GALNT16: variants seen among roughly 807,000 people sequenced by gnomAD.
The protein encoded by GALNT16 is UDP-GalNAc:polypeptide N-acetylgalactosaminyltransferase-like protein 1.
Under a neutral mutation model 76.1 loss-of-function variants are expected in GALNT16, and 40 were observed. The observed-to-expected ratio is 0.53, with a 90% CI of 0.41 to 0.68. The LOEUF is 0.68. Ranked by LOEUF, GALNT16 falls within the 30% of genes least tolerant of loss-of-function variation. The probability of loss-of-function intolerance (pLI) is 0.00; values close to 1 mark genes in which losing one functional copy is unlikely to be tolerated. For missense variants in GALNT16, 621 were observed against 731.9 expected (o/e 0.85, Z 1.75); for synonymous variants, 276 against 285.2 (o/e 0.97, Z 0.32).
At chr14:69,385,200 T>C in the GALNT16 span, among the ~76,000 whole-genome samples, 1 of 152,114 alleles carries the variant, frequency 6.6e-6, no homozygotes, top group Non-Finnish European at 1.5e-5. Context: ...CCTGTAACCA[T>C]CCAGGTGAGA....
At chr14:69,341,304 C>T (rs1358906847) in intron 11 of GALNT16, among the ~76,000 whole-genome samples, 5 of 152,236 alleles carry the variant, frequency 3.3e-5, no homozygotes, top group Admixed American at 3.3e-4. Flanking sequence ...AAAGCTTGCT[C>T]TTCCTGCTGT....
the GALNT16 span, among the ~76,000 whole-genome samples, chr14:69,369,504 G>A: frequency 1.3e-5 from 2 of 152,122 alleles, no homozygotes; most frequent in African/African-American, 2.4e-5. Context: ...TCCATGAGGA[G>A]GGGTGGTGAG....
Position 69,339,557 on chromosome 14 carries a change from G to A in GALNT16, c.1125G>A (p.Met375Ile). ...RNTKRTAEVW[M>I]DEYKQYYYEA... ...CTAAGCGCACTGCAGAAGTGTGGAT[G>A]GATGAATACAAGCAATACTACTATG... The change falls in exon 11 of 15, where the codon ATG becomes ATA. Residue 375 changes from methionine to isoleucine, a missense_variant. Met to Ile is a conservative substitution (Grantham distance 10, BLOSUM62 1). Transcript: ENST00000448469. 6.2e-7 allele frequency: 1 copy of A among 1,613,094 alleles called. No homozygotes were observed. The highest frequency in any genetic ancestry group is 1.3e-5 in the African/African-American group (1 of 75,036).
intron 1 of GALNT16, among the ~76,000 whole-genome samples, chr14:69,287,472 C>T (rs1019343161): frequency 5.9e-5 from 9 of 152,198 alleles, no homozygotes; most frequent in African/African-American, 2.2e-4. Flanking sequence ...AACTGAGTAG[C>T]ACACAGCGTT....
intron 14 of GALNT16, chr14:69,350,072 C>A (rs535195621): frequency 2.0e-5 from 3 of 152,078 alleles, no homozygotes; most frequent in African/African-American, 7.2e-5. Context: ...ATTAGCCGGG[C>A]GTGGTGGCGC....
At chr14:69,381,108 C>T in the GALNT16 span, among the ~76,000 whole-genome samples, 1 of 152,110 alleles carries the variant, frequency 6.6e-6, no homozygotes, top group Non-Finnish European at 1.5e-5. Flanking sequence ...ATGGTGAAAC[C>T]TTGTCTCTAC....
rs575474378 is a variant in GALNT16, at chr14:69,287,384, G to A, written c.177+26917G>A. 2.0e-5 allele frequency among the ~76,000 whole-genome samples: 3 copies of A among 152,354 alleles called. No individual in the cohort carries two copies. In the East Asian group the frequency reaches 5.8e-4, roughly 29 times the overall value. Reference sequence around the variant, plus strand: ...GTGTTTACTGGCTAAACGCAAGGATGAGTGAACTGTAGAATTCAGTGCAAG... The same window carrying A: ...GTGTTTACTGGCTAAACGCAAGGATAAGTGAACTGTAGAATTCAGTGCAAG... On this transcript the variant is annotated intron_variant, in intron 1 of 14. Coordinates refer to ENST00000448469, the MANE Select transcript of GALNT16 (RefSeq NM_001168368.2).
At chr14:69,382,175 T>C in the GALNT16 span, among the ~76,000 whole-genome samples, 7 of 152,370 alleles carry the variant, frequency 4.6e-5, no homozygotes, top group African/African-American at 1.2e-4. Flanking sequence ...GAATGCTTTA[T>C]ACAATTAACA....
chr14:69,298,667 C>T (rs1377670679), intron 1 of GALNT16: 2 of 152,260 alleles, frequency 1.3e-5, no homozygotes, highest in East Asian at 3.8e-4. Flanking sequence ...ACAGCAACAG[C>T]TGTTGTAAGT....
chr14:69,380,715 T>C, the GALNT16 span: 1 of 796,332 alleles, frequency 1.3e-6, no homozygotes, highest in Non-Finnish European at 2.2e-6. Flanking sequence ...AAATTATAAC[T>C]GCCCAATGAT....
At chr14:69,287,853 T>G (rs2044634870) in intron 1 of GALNT16, among the ~76,000 whole-genome samples, 1 of 152,166 alleles carries the variant, frequency 6.6e-6, no homozygotes, top group Non-Finnish European at 1.5e-5. Flanking sequence ...AAATCCTAAC[T>G]GCAGGGCCCA....
intron 1 of GALNT16, among the ~76,000 whole-genome samples, chr14:69,271,025 G>A (rs1221323081): frequency 6.6e-6 from 1 of 152,116 alleles, no homozygotes; most frequent in Non-Finnish European, 1.5e-5. Flanking sequence ...GCAGGCCAAA[G>A]CACTTCTCCA....
chr14:69,263,270 G>C (rs958587362), intron 1 of GALNT16, among the ~76,000 whole-genome samples: 1 of 152,170 alleles, frequency 6.6e-6, no homozygotes, highest in Non-Finnish European at 1.5e-5. Flanking sequence ...ATTATCAACT[G>C]TAACCTCTAA....
chr14:69,382,246 C>T, the GALNT16 span, among the ~76,000 whole-genome samples: 1 of 152,116 alleles, frequency 6.6e-6, no homozygotes, highest in Non-Finnish European at 1.5e-5. Flanking sequence ...TACAAGATTC[C>T]CATTTTTAAA....
chr14:69,270,360 C>T (rs2044392590), intron 1 of GALNT16, among the ~76,000 whole-genome samples: 1 of 152,142 alleles, frequency 6.6e-6, no homozygotes, highest in Non-Finnish European at 1.5e-5. Flanking sequence ...CCTCAGTGCC[C>T]AGGTGACTGG....
At chr14:69,329,226 G>A (rs1344574819) in intron 6 of GALNT16, among the ~76,000 whole-genome samples, 1 of 152,076 alleles carries the variant, frequency 6.6e-6, no homozygotes, top group Non-Finnish European at 1.5e-5. Context: ...GCATGACGGC[G>A]GGTGCCTGTG....
intron 1 of GALNT16, among the ~76,000 whole-genome samples, chr14:69,300,224 G>C (rs1040969671): frequency 6.6e-6 from 1 of 151,792 alleles, no homozygotes. Flanking sequence ...TGCTACACCC[G>C]CACACACACA....
Position 69,328,447 on chromosome 14 carries a change from T to A in GALNT16, c.569-3T>A. ...CGCCAAGCCCTATCTACTCCTCTTG[T>A]AGGGCTGATCCGGTCCCGAGTGCGT... On this transcript the variant is annotated splice_polypyrimidine_tract_variant and splice_region_variant and intron_variant, in intron 5 of 14. Coordinates refer to ENST00000448469, the MANE Select transcript of GALNT16 (RefSeq NM_001168368.2). The A allele has an allele frequency of 6.2e-7, 1 of 1,613,730 alleles. No homozygotes were observed. The highest frequency in any genetic ancestry group is 1.3e-5 in the African/African-American group (1 of 75,012).
chr14:69,311,584 G>A (rs760039771), intron 1 of GALNT16, among the ~76,000 whole-genome samples: 6 of 152,100 alleles, frequency 3.9e-5, no homozygotes, highest in Non-Finnish European at 7.3e-5. Flanking sequence ...CTGTCCTATT[G>A]GTGGACATTA....
Sources: allele counts gnomAD v4.1 joint callset (sites outside exome capture counted in the v4.1 genomes callset), GRCh38; gene constraint gnomAD v4.1.1; transcripts MANE v1.5; gene names NCBI Gene and HGNC (gene_info 2026-07-23, HGNC 2026-07-21).